SASH1: variants seen among roughly 807,000 people sequenced by gnomAD.
The protein encoded by SASH1 is SAM and SH3 domain containing 1.
SASH1 carries 44 observed loss-of-function variants against 125.2 expected under a neutral mutation model. The observed-to-expected ratio is 0.35, with a 90% CI of 0.28 to 0.45. SASH1 has a LOEUF of 0.45. Ranked by LOEUF, SASH1 falls within the 20% of genes least tolerant of loss-of-function variation. The pLI is 1.00. For missense variants in SASH1, 1,426 were observed against 1,614.5 expected (o/e 0.88, Z 2.00); for synonymous variants, 639 against 649.1 (o/e 0.98, Z 0.24).
At chr6:148,392,286 CA>C (rs61537766) in intron 2 of SASH1, among the ~76,000 whole-genome samples, 37,337 of 115,976 alleles carry the variant, frequency 0.32, 4,733 homozygotes, top group South Asian at 0.4. Flanking sequence ...AACTCTGTCT[CA>C]AAAAAAAAAA....
chr6:148,453,624 A>G (rs1280973993), intron 4 of SASH1, among the ~76,000 whole-genome samples: 1 of 152,156 alleles, frequency 6.6e-6, no homozygotes, highest in African/African-American at 2.4e-5. Context: ...GGGTGCTCGG[A>G]GAGACCAGTG....
intron 1 of SASH1, among the ~76,000 whole-genome samples, chr6:148,277,158 G>T (rs4077020): frequency 0.2 from 30,177 of 152,086 alleles, 3,184 homozygotes; most frequent in Non-Finnish European, 0.24. Flanking sequence ...TGCCCCTGGA[G>T]TCTTGCACTC....
the SASH1 span, among the ~76,000 whole-genome samples, chr6:148,251,583 C>T: frequency 3.3e-5 from 5 of 151,922 alleles, no homozygotes; most frequent in Non-Finnish European, 5.9e-5. Context: ...TCTATTCAGA[C>T]GGGTAAGAAG....
intron 5 of SASH1, 28 bp from the exon 6 acceptor site, chr6:148,471,383 GTTCTTT>G: frequency 1.4e-6 from 1 of 736,266 alleles, no homozygotes; most frequent in Non-Finnish European, 1.7e-6. Context: ...TGTGCTTTTT[GTTCTTT>G]TTTTTTTTTT....
the SASH1 span, among the ~76,000 whole-genome samples, chr6:148,232,009 C>T: frequency 6.6e-6 from 1 of 151,790 alleles, no homozygotes; most frequent in Non-Finnish European, 1.5e-5. Flanking sequence ...AGGCTAGCAA[C>T]TTGTCTAGCA....
rs376954993 is a variant in SASH1 at position 148,544,117 on chromosome 6, G to C, written c.2647G>C (p.Glu883Gln). ...TASSTKAQPL[E>Q]QDSAVDNALL... Reference sequence around the variant, plus strand: ...CTCTTCCACGAAGGCCCAGCCCCTGGAGCAAGACTCTGCTGTCGACAATGC... The same window carrying C: ...CTCTTCCACGAAGGCCCAGCCCCTGCAGCAAGACTCTGCTGTCGACAATGC... The change falls in exon 18 of 20, where the codon GAG (glutamate) becomes CAG (glutamine). Residue 883 changes from glutamate (E) to glutamine (Q), a missense_variant. Transcript: ENST00000367467. This position sits in a 1 kb window ranked among gnomAD's most constrained non-coding sequence, Gnocchi z 6.4. 6.2e-7 allele frequency: 1 copy of C among 1,614,044 alleles called. No individual in the cohort carries two copies. Among genetic ancestry groups the C allele is most frequent in the Non-Finnish European group, 8.5e-7 (1 of 1,179,986 alleles).
chr6:148,344,562 A>G (rs1781459240), intron 1 of SASH1, among the ~76,000 whole-genome samples: 1 of 152,124 alleles, frequency 6.6e-6, no homozygotes, highest in African/African-American at 2.4e-5. Flanking sequence ...AAAAATGTAT[A>G]TAAATATGCA....
At chr6:148,383,508 A>T (rs1024863398) in intron 1 of SASH1, among the ~76,000 whole-genome samples, 1 of 152,200 alleles carries the variant, frequency 6.6e-6, no homozygotes, top group African/African-American at 2.4e-5. Context: ...AGCAACACAC[A>T]TGAGTTTTCC....
intron 4 of SASH1, among the ~76,000 whole-genome samples, chr6:148,451,398 G>A (rs900231110): frequency 6.6e-6 from 1 of 152,202 alleles, no homozygotes; most frequent in East Asian, 1.9e-4. Flanking sequence ...ATTTGACATA[G>A]TAGCTTCCAT....
At chr6:148,242,177 G>A in the SASH1 span, among the ~76,000 whole-genome samples, 7 of 152,212 alleles carry the variant, frequency 4.6e-5, no homozygotes, top group African/African-American at 1.7e-4. Flanking sequence ...AGCAAATGGT[G>A]AGGACTTGAC....
chr6:148,398,675 A>G (rs905416323), intron 2 of SASH1, among the ~76,000 whole-genome samples: 1 of 152,206 alleles, frequency 6.6e-6, no homozygotes, highest in South Asian at 2.1e-4. Context: ...TCTAAATGGC[A>G]TTAGTTTTTG....
chr6:148,419,950 T>C (rs773795333), intron 2 of SASH1, among the ~76,000 whole-genome samples: 3 of 152,144 alleles, frequency 2.0e-5, no homozygotes, highest in Admixed American at 2.0e-4. Flanking sequence ...ACAAGGTGTT[T>C]TAAGAAAAAG....
chr6:148,451,051 G>C (rs1289150882), intron 4 of SASH1, among the ~76,000 whole-genome samples: 1 of 152,182 alleles, frequency 6.6e-6, no homozygotes, highest in Non-Finnish European at 1.5e-5. Context: ...CTTTGCCTGT[G>C]GCTTGAGCCA....
intron 2 of SASH1, among the ~76,000 whole-genome samples, chr6:148,391,165 A>C (rs1455406955): frequency 1.3e-5 from 2 of 150,444 alleles, no homozygotes; most frequent in Non-Finnish European, 3.0e-5. Context: ...GCTGGAGTGC[A>C]GTGGCGTGAT....
chr6:148,391,116 T>G (rs1265636176), intron 2 of SASH1, among the ~76,000 whole-genome samples: 1 of 151,880 alleles, frequency 6.6e-6, no homozygotes, highest in Non-Finnish European at 1.5e-5. Flanking sequence ...GACACTCTTT[T>G]TTTTTTTTTT....
At chr6:148,305,035 A>C (rs144401869) in intron 1 of SASH1, among the ~76,000 whole-genome samples, 5 of 152,328 alleles carry the variant, frequency 3.3e-5, no homozygotes, top group South Asian at 2.1e-4. Context: ...AGTCTCAAAT[A>C]AATCAATAAA....
At chr6:148,466,551 T>G (rs934772733) in intron 4 of SASH1, among the ~76,000 whole-genome samples, 1 of 152,184 alleles carries the variant, frequency 6.6e-6, no homozygotes, top group Admixed American at 6.5e-5. Flanking sequence ...TTTAGGTGAT[T>G]AGGATATTCA....
intron 2 of SASH1, among the ~76,000 whole-genome samples, chr6:148,405,968 G>A (rs1228836484): frequency 6.6e-6 from 1 of 152,216 alleles, no homozygotes; most frequent in Non-Finnish European, 1.5e-5. Flanking sequence ...TCCAGTTCTT[G>A]TGCTGGAAGT....
At chr6:148,431,405 GC>G (rs1776056305) in intron 2 of SASH1, among the ~76,000 whole-genome samples, 1 of 152,028 alleles carries the variant, frequency 6.6e-6, no homozygotes, top group South Asian at 2.1e-4. Context: ...CACCATGTTG[GC>G]CAGGCTGGTC....
Sources: gnomAD v4.1 joint callset for allele counts (sites outside exome capture counted in the v4.1 genomes callset) on GRCh38, gnomAD v4.1.1 for gene constraint, Gnocchi (gnomAD v3.1) non-coding constraint, MANE v1.5 for transcripts, NCBI Gene and HGNC (gene_info 2026-07-23, HGNC 2026-07-21) for gene names.